Variants in DIAPH3 observed in about 807,000 individuals in gnomAD.
The protein encoded by DIAPH3 is diaphanous related formin 3.
Under a neutral mutation model 144.3 loss-of-function variants are expected in DIAPH3, and 117 were observed. That is an observed-to-expected ratio of 0.81 (90% CI 0.70 to 0.95). The LOEUF is 0.95. Ranked by LOEUF, DIAPH3 falls within the 40% of genes least tolerant of loss-of-function variation. The pLI, the probability that DIAPH3 is intolerant of heterozygous loss-of-function variation, is 0.00. For synonymous variants in DIAPH3, 519 were observed against 488.9 expected (o/e 1.06, Z -0.81); for missense variants, 1,421 against 1,412.7 (o/e 1.01, Z -0.09).
chr13:60,056,218 TTA>T (rs144215666), intron 4 of DIAPH3, among the ~76,000 whole-genome samples: 9,266 of 149,870 alleles, frequency 0.062, 433 homozygotes, highest in East Asian at 0.28. Context: ...ATTATCTATT[TTA>T]TATGTTATAT....
At chr13:60,151,482 C>A (rs899687128) in intron 1 of DIAPH3, among the ~76,000 whole-genome samples, 1 of 152,128 alleles carries the variant, frequency 6.6e-6, no homozygotes, top group African/African-American at 2.4e-5. Context: ...TCTTTACATA[C>A]CCTTGCCCAC....
At chr13:59,742,345 T>C (rs1283057322) in intron 27 of DIAPH3, among the ~76,000 whole-genome samples, 1 of 152,140 alleles carries the variant, frequency 6.6e-6, no homozygotes. Context: ...ATTTGCATAT[T>C]TTTATGCTTA....
chr13:60,066,651 T>C (rs1381838565), intron 4 of DIAPH3, among the ~76,000 whole-genome samples: 2 of 152,134 alleles, frequency 1.3e-5, no homozygotes, highest in African/African-American at 4.8e-5. Context: ...CAATAACTTA[T>C]TGTTCATATG....
intron 22 of DIAPH3, among the ~76,000 whole-genome samples, chr13:59,856,786 T>C (rs1024727403): frequency 1.3e-5 from 2 of 152,010 alleles, no homozygotes; most frequent in Non-Finnish European, 2.9e-5. Context: ...CCTTGACCAG[T>C]CAATAAAAGC....
chr13:59,994,694 C>T (rs1035605660), intron 9 of DIAPH3, among the ~76,000 whole-genome samples: 10 of 151,588 alleles, frequency 6.6e-5, no homozygotes, highest in African/African-American at 1.5e-4. Context: ...AGATCTAAGC[C>T]GAGGAATTAA....
intron 4 of DIAPH3, among the ~76,000 whole-genome samples, chr13:60,060,946 AT>A (rs2056745700): frequency 6.6e-6 from 1 of 150,770 alleles, no homozygotes; most frequent in East Asian, 2.1e-4. Context: ...TACTGTTATA[AT>A]AACCACTGAA....
At chr13:59,668,954 T>A (rs2032187967) in intron 27 of DIAPH3, among the ~76,000 whole-genome samples, 1 of 152,006 alleles carries the variant, frequency 6.6e-6, no homozygotes, top group Non-Finnish European at 1.5e-5. Flanking sequence ...GATTGAGGGG[T>A]AAAAGCAAAA....
chr13:59,793,141 C>T (rs983984636), intron 25 of DIAPH3, among the ~76,000 whole-genome samples: 3 of 152,192 alleles, frequency 2.0e-5, no homozygotes, highest in Non-Finnish European at 4.4e-5. Context: ...ACAAATGTAT[C>T]TGCACTTAGG....
At chr13:60,160,230 AG>A in intron 1 of DIAPH3, among the ~76,000 whole-genome samples, 1 of 152,342 alleles carries the variant, frequency 6.6e-6, no homozygotes, top group East Asian at 1.9e-4. Context: ...TCTCAAAAAA[AG>A]AAAAAAAAGA....
intron 20 of DIAPH3, among the ~76,000 whole-genome samples, chr13:59,905,669 G>A (rs193212554): frequency 5.0e-4 from 76 of 152,234 alleles, no homozygotes; most frequent in African/African-American, 1.6e-3. Context: ...TTGAGATGGG[G>A]AAGATTATCT....
chr13:59,947,437 C>G (rs1211406796), intron 17 of DIAPH3, among the ~76,000 whole-genome samples: 4 of 152,262 alleles, frequency 2.6e-5, no homozygotes, highest in Non-Finnish European at 4.4e-5. Context: ...GACCCTGTTA[C>G]TGTACTATTT....
intron 27 of DIAPH3, among the ~76,000 whole-genome samples, chr13:59,697,010 G>A (rs1483433093): frequency 2.0e-5 from 3 of 151,978 alleles, no homozygotes; most frequent in Non-Finnish European, 4.4e-5. Context: ...ACTTGAGTAG[G>A]AACTTGACTA....
At chr13:59,835,800 G>A (rs578134980) in intron 23 of DIAPH3, among the ~76,000 whole-genome samples, 126 of 151,650 alleles carry the variant, frequency 8.3e-4, no homozygotes, top group African/African-American at 2.7e-3. Flanking sequence ...CTTCCTAGTC[G>A]CCACAGTTCA....
chr13:60,016,898 G>T (rs1168913883), intron 5 of DIAPH3, among the ~76,000 whole-genome samples: 1 of 152,234 alleles, frequency 6.6e-6, no homozygotes. Context: ...AGCTTGCCTG[G>T]ATTACATGAA....
At chr13:60,141,608 T>A (rs369534343) in intron 1 of DIAPH3, among the ~76,000 whole-genome samples, 141 of 152,358 alleles carry the variant, frequency 9.3e-4, no homozygotes, top group African/African-American at 3.0e-3. Flanking sequence ...TAGAATTTGT[T>A]CTTCTAACAG....
intron 4 of DIAPH3, among the ~76,000 whole-genome samples, chr13:60,056,702 T>C (rs1643989299): frequency 6.6e-6 from 1 of 151,502 alleles, no homozygotes; most frequent in Admixed American, 6.6e-5. Context: ...TACAAGACAA[T>C]AGGAAGTATT....
intron 20 of DIAPH3, among the ~76,000 whole-genome samples, chr13:59,886,691 C>T (rs2045472943): frequency 6.6e-6 from 1 of 151,844 alleles, no homozygotes; most frequent in Non-Finnish European, 1.5e-5. Context: ...TGAAATGTAT[C>T]CCAAAGTATT....
intron 4 of DIAPH3, among the ~76,000 whole-genome samples, chr13:60,072,649 A>G (rs1400204237): frequency 6.6e-6 from 1 of 152,212 alleles, no homozygotes; most frequent in Non-Finnish European, 1.5e-5. Context: ...TATAGTTACT[A>G]AAGGTCTCTA....
intron 17 of DIAPH3, among the ~76,000 whole-genome samples, chr13:59,954,552 T>C (rs975960728): frequency 1.3e-5 from 2 of 152,208 alleles, no homozygotes; most frequent in Non-Finnish European, 2.9e-5. Context: ...AGGTGGTTAG[T>C]TGACTTCTCT....
Sources: gnomAD v4.1 joint callset for allele counts (sites outside exome capture counted in the v4.1 genomes callset) on GRCh38, gnomAD v4.1.1 for gene constraint, MANE v1.5 for transcripts, NCBI Gene and HGNC (gene_info 2026-07-23, HGNC 2026-07-21) for gene names.